Variants in ADORA2B observed in about 807,000 individuals in gnomAD.
The protein encoded by ADORA2B is adenosine receptor A2b.
A neutral mutation model predicts 20.8 loss-of-function variants in ADORA2B; 18 were observed. That is an observed-to-expected ratio of 0.87 (90% CI 0.60 to 1.29). The LOEUF is 1.29. Among genes scored for constraint, ADORA2B ranks in the 50% most tolerant of loss-of-function variants. The pLI is 0.00. For synonymous variants in ADORA2B, 179 were observed against 178.3 expected (o/e 1.00, Z -0.03); for missense variants, 441 against 422.7 (o/e 1.04, Z -0.38).
intron 1 of ADORA2B, among the ~76,000 whole-genome samples, chr17:15,946,052 TCC>T (rs1969801662): frequency 1.3e-5 from 2 of 152,088 alleles, no homozygotes; most frequent in Non-Finnish European, 2.9e-5. Context: ...CCCGGGAGGT[TCC>T]CACTAAGGGC....
At chr17:15,891,121 C>T in the ADORA2B span, among the ~76,000 whole-genome samples, 2 of 152,152 alleles carry the variant, frequency 1.3e-5, no homozygotes, top group South Asian at 4.1e-4. Context: ...TAAAAATTAG[C>T]CGGGCGTGGT....
At chr17:15,896,905 G>A in the ADORA2B span, among the ~76,000 whole-genome samples, 1 of 152,190 alleles carries the variant, frequency 6.6e-6, no homozygotes, top group Admixed American at 6.5e-5. Context: ...GTCCCAGGCC[G>A]CAAGGGCATT....
At chr17:15,928,677 C>T in the ADORA2B span, among the ~76,000 whole-genome samples, 1 of 152,102 alleles carries the variant, frequency 6.6e-6, no homozygotes, top group Non-Finnish European at 1.5e-5. Context: ...CAGCCTTGGC[C>T]AGGACTCCGT....
Position 15,945,340 on chromosome 17 carries a change from C to T in ADORA2B, c.92C>T (p.Ala31Val). ...SVAGNVLVCA[A>V]VGTANTLQTP... is the part of the protein sequence containing the mutation. ...GCGGGCAACGTGCTGGTGTGCGCCG[C>T]GGTGGGCACGGCGAACACTCTGCAG... Residue 31 changes from alanine to valine, a missense_variant, in exon 1 of 2, where the codon GCG becomes GTG. Coordinates refer to ENST00000304222, the MANE Select transcript of ADORA2B (RefSeq NM_000676.4). The T allele has an allele frequency of 6.2e-7, 1 of 1,605,024 alleles. No homozygotes were observed. The highest frequency in any genetic ancestry group is 8.5e-7 in the Non-Finnish European group (1 of 1,178,054).
chr17:15,964,023 A>C (rs1383670478), intron 1 of ADORA2B, among the ~76,000 whole-genome samples: 1 of 152,144 alleles, frequency 6.6e-6, no homozygotes, highest in African/African-American at 2.4e-5. Flanking sequence ...CTCGGCCTGA[A>C]AGTAACCTTT....
the ADORA2B span, among the ~76,000 whole-genome samples, chr17:15,863,483 C>CT: frequency 6.8e-3 from 1,028 of 152,204 alleles, 17 homozygotes; most frequent in African/African-American, 0.023. Context: ...ATAGCTGGGA[C>CT]TACAGGTGTG....
the ADORA2B span, among the ~76,000 whole-genome samples, chr17:15,913,730 G>A: frequency 3.9e-5 from 6 of 152,164 alleles, no homozygotes; most frequent in Non-Finnish European, 7.3e-5. Context: ...ATTTGGCCTG[G>A]ACATCTTGCA....
intron 1 of ADORA2B, among the ~76,000 whole-genome samples, chr17:15,964,838 A>C (rs2875253): frequency 0.19 from 28,959 of 151,296 alleles, 3,199 homozygotes; most frequent in Middle Eastern, 0.27. Flanking sequence ...AAGGTGGGCG[A>C]ATCACGAGGT....
At chr17:15,935,382 CT>C in the ADORA2B span, among the ~76,000 whole-genome samples, 2 of 151,966 alleles carry the variant, frequency 1.3e-5, no homozygotes, top group African/African-American at 4.8e-5. Context: ...GTAGATGGCT[CT>C]TATGGTCTCC....
chr17:15,874,869 G>C, the ADORA2B span, among the ~76,000 whole-genome samples: 1 of 152,104 alleles, frequency 6.6e-6, no homozygotes, highest in African/African-American at 2.4e-5. Context: ...TTGCTCTCCT[G>C]TAAGGCTATT....
At chr17:15,963,390 T>C (rs1332597722) in intron 1 of ADORA2B, among the ~76,000 whole-genome samples, 1 of 152,144 alleles carries the variant, frequency 6.6e-6, no homozygotes, top group Non-Finnish European at 1.5e-5. Flanking sequence ...CCAAGTGCCT[T>C]CTCATGTACC....
chr17:15,952,998 T>A (rs1368282220), intron 1 of ADORA2B, among the ~76,000 whole-genome samples: 1 of 152,222 alleles, frequency 6.6e-6, no homozygotes, highest in African/African-American at 2.4e-5. Context: ...GAACAGCCTG[T>A]CCCAGGCACG....
At chr17:15,969,727 C>T (rs1043099760) in intron 1 of ADORA2B, among the ~76,000 whole-genome samples, 45 of 152,352 alleles carry the variant, frequency 3.0e-4, no homozygotes, top group African/African-American at 9.4e-4. Context: ...TCACCCTGGC[C>T]CAAGCCGACG....
chr17:15,945,352 C>T lies in ADORA2B; in HGVS notation c.104C>T (p.Ala35Val), dbSNP rs61755963. Residue 35 changes from alanine to valine, a missense_variant, in exon 1 of 2, where the codon GCG (alanine) becomes GTG (valine). Physicochemically the swap from Ala to Val is moderately conservative, Grantham distance 64. Coordinates refer to ENST00000304222, the MANE Select transcript of ADORA2B (RefSeq NM_000676.4). ...CTGGTGTGCGCCGCGGTGGGCACGG[C>T]GAACACTCTGCAGACGCCCACCAAC... ...NVLVCAAVGT[A>V]NTLQTPTNYF... The T allele has an allele frequency of 1.1e-3, 1,850 of 1,608,930 alleles. 19 individuals are homozygous for T. In the African/African-American group the frequency reaches 0.022, roughly 19 times the overall value.
the ADORA2B span, among the ~76,000 whole-genome samples, chr17:15,880,744 G>T: frequency 1.3e-5 from 2 of 152,282 alleles, no homozygotes; most frequent in Admixed American, 6.5e-5. Context: ...ATGGGATCTT[G>T]CCTGGATTTG....
chr17:15,897,568 A>AAAAAC, the ADORA2B span, among the ~76,000 whole-genome samples: 3 of 152,122 alleles, frequency 2.0e-5, no homozygotes, highest in South Asian at 2.1e-4. Flanking sequence ...ACTCTGTCTC[A>AAAAAC]AAAACAAAAC....
rs145673533 is a variant in ADORA2B, at chr17:15,959,625, C to G, written c.335+14042C>G. On this transcript the variant is annotated intron_variant, in intron 1 of 1. Coordinates refer to ENST00000304222, the MANE Select transcript of ADORA2B (RefSeq NM_000676.4). Reference sequence around the variant, plus strand: ...AAGTGATTCTCCTGCCTCAGCCTCCCGAGTAGTTGGGATTATAGGCGCACG... The same window carrying G: ...AAGTGATTCTCCTGCCTCAGCCTCCGGAGTAGTTGGGATTATAGGCGCACG... 2.0e-3 allele frequency among the ~76,000 whole-genome samples: 297 copies of G among 151,880 alleles called. 6 individuals carry two copies. In the East Asian group the frequency reaches 0.05, roughly 26 times the overall value.
At chr17:15,923,206 A>ATTTTTT in the ADORA2B span, among the ~76,000 whole-genome samples, 430 of 113,406 alleles carry the variant, frequency 3.8e-3, 18 homozygotes, top group African/African-American at 0.013. Context: ...TCTTTTTTTA[A>ATTTTTT]TTTTTTTTTT....
the ADORA2B span, among the ~76,000 whole-genome samples, chr17:15,876,173 A>T: frequency 1.3e-5 from 2 of 151,926 alleles, no homozygotes; most frequent in Non-Finnish European, 1.5e-5. Context: ...ATGGCCTTGC[A>T]TCTTTGTTTT....
Sources: gnomAD v4.1 joint callset for allele counts (sites outside exome capture counted in the v4.1 genomes callset) on GRCh38, gnomAD v4.1.1 for gene constraint, MANE v1.5 for transcripts, NCBI Gene and HGNC (gene_info 2026-07-23, HGNC 2026-07-21) for gene names.